The following MEGF6 variants were observed in gnomAD, a reference collection of about 807,000 sequenced individuals.
MEGF6 encodes the protein multiple EGF like domains 6, also known as multiple epidermal growth factor-like domains protein 6.
In MEGF6, 184 loss-of-function variants were observed where a neutral mutation model predicts 207.1. That is an observed-to-expected ratio of 0.89 (90% CI 0.79 to 1.00). The LOEUF (loss-of-function observed/expected upper bound fraction) is 1.00, where lower values mean the gene tolerates loss of function less well. Ranked by LOEUF, MEGF6 falls within the 50% of genes least tolerant of loss-of-function variation. The probability of loss-of-function intolerance (pLI) is 0.00; values close to 1 mark genes in which losing one functional copy is unlikely to be tolerated. For missense variants in MEGF6, 2,282 were observed against 2,202.9 expected (o/e 1.04, Z -0.72); for synonymous variants, 1,038 against 910.0 (o/e 1.14, Z -2.53).
At chr1:3,545,592 C>A (rs929559882) in intron 4 of MEGF6, among the ~76,000 whole-genome samples, 2 of 152,162 alleles carry the variant, frequency 1.3e-5, no homozygotes, top group African/African-American at 4.8e-5. Context: ...GGTTCTCCTC[C>A]CCTCATCCTG....
chr1:3,495,860 G>A (rs753411619), intron 30 of MEGF6, 30 bp downstream of exon 30: 6 of 1,593,948 alleles, frequency 3.8e-6, no homozygotes, highest in Non-Finnish European at 4.2e-6. Flanking sequence ...TGAAGGGCCT[G>A]TGAGCATGCC....
chr1:3,563,188 T>A (rs1249225009), intron 4 of MEGF6, among the ~76,000 whole-genome samples: 2 of 152,164 alleles, frequency 1.3e-5, no homozygotes, highest in East Asian at 3.9e-4. Flanking sequence ...ATGCACCTTG[T>A]AGGTAGCCTG....
chr1:3,527,433 G>A (rs2101290392), intron 4 of MEGF6, among the ~76,000 whole-genome samples: 1 of 152,356 alleles, frequency 6.6e-6, no homozygotes, highest in East Asian at 1.9e-4. Flanking sequence ...ATCTACTGGA[G>A]GCACAAGACA....
intron 4 of MEGF6, among the ~76,000 whole-genome samples, chr1:3,540,085 C>G (rs1331811621): frequency 2.0e-5 from 3 of 152,222 alleles, no homozygotes; most frequent in Non-Finnish European, 4.4e-5. Context: ...GGGTGTCCTC[C>G]AGGAAACTGC....
intron 2 of MEGF6, among the ~76,000 whole-genome samples, chr1:3,599,017 G>A (rs867990296): frequency 2.6e-5 from 4 of 152,200 alleles, no homozygotes; most frequent in Non-Finnish European, 4.4e-5. Flanking sequence ...ACTCTGGGCC[G>A]GGCCGGGCTG....
rs774330965 is a variant in MEGF6 at position 3,497,184 on chromosome 1, A to T, written c.3481+49T>A. 7 of 1,531,768 alleles carry T rather than the reference A, an allele frequency of 4.6e-6. No individual in the cohort carries two copies. The Admixed American group carries it at 1.4e-4, about 30-fold the overall frequency. The allele number at this position is 1,531,768 out of a possible 1,614,324, so 94.9% of individuals were successfully genotyped here. On this transcript the variant is annotated intron_variant, in intron 27 of 36. Transcript: ENST00000356575. The stretch of plus-strand genomic sequence containing the variant: ...GCCAAGGAACAGGCAGCCTCTCTGG[A>T]TTCCCCCTGCCCAGCCGCTCCTCGG...
chr1:3,621,897 G>A, the MEGF6 span, among the ~76,000 whole-genome samples: 1 of 152,326 alleles, frequency 6.6e-6, no homozygotes, highest in Non-Finnish European at 1.5e-5. Flanking sequence ...GGGGCTTTTA[G>A]CCCCTTTGTT....
chr1:3,517,104 CCT>C (rs1641570600), intron 5 of MEGF6, among the ~76,000 whole-genome samples: 1 of 152,230 alleles, frequency 6.6e-6, no homozygotes, highest in Non-Finnish European at 1.5e-5. Context: ...TCCCAGGGGC[CCT>C]GTTTATTGTG....
intron 26 of MEGF6, among the ~76,000 whole-genome samples, chr1:3,498,143 T>C (rs1640689188): frequency 6.6e-6 from 1 of 152,100 alleles, no homozygotes; most frequent in African/African-American, 2.4e-5. Context: ...TGGCTGGGGC[T>C]ACCCCTGCCA....
chr1:3,492,777 G>C lies in MEGF6; in HGVS notation c.4388-10C>G, dbSNP rs199708181. 1.0e-5 allele frequency: 16 copies of C among 1,603,396 alleles called. No homozygotes were observed. In the South Asian group the frequency reaches 1.8e-4, roughly 18 times the overall value. ...TGGCCCCTTCTGCAATCTGCAAGGC[G>C]GAGGGGGCGGGAGACAAACCTGAGC... On this transcript the variant is annotated splice_polypyrimidine_tract_variant and intron_variant, in intron 34 of 36. Coordinates refer to ENST00000356575, the MANE Select transcript of MEGF6 (RefSeq NM_001409.4).
chr1:3,510,764 G>A lies in MEGF6; in HGVS notation c.1234+19C>T. 6.3e-7 allele frequency: 1 copy of A among 1,587,824 alleles called. No homozygotes were observed. Among genetic ancestry groups the A allele is most frequent in the Non-Finnish European group, 8.6e-7 (1 of 1,162,042 alleles). ...GCTCCCAGGCCACCCCAGCTGTGCA[G>A]TGGCAGGGCAGTGCTCACCCTCACA... On this transcript the variant is annotated intron_variant, in intron 10 of 36. Transcript: ENST00000356575.
At chr1:3,515,321 C>T in intron 6 of MEGF6, 81 bp downstream of exon 6, 1 of 1,500,544 alleles carries the variant, frequency 6.7e-7, no homozygotes, top group Non-Finnish European at 9.0e-7. Context: ...CCTGAAGACC[C>T]ACTTCCACCC....
chr1:3,590,266 G>C (rs1284130023), intron 3 of MEGF6, among the ~76,000 whole-genome samples: 1 of 152,204 alleles, frequency 6.6e-6, no homozygotes, highest in African/African-American at 2.4e-5. Flanking sequence ...GCTTGGAGGA[G>C]GGGTGCCCAA....
chr1:3,598,266 G>T (rs1644100369), intron 2 of MEGF6, among the ~76,000 whole-genome samples: 1 of 152,216 alleles, frequency 6.6e-6, no homozygotes, highest in South Asian at 2.1e-4. Context: ...GAAGCCGGAG[G>T]TGGGCCCTGG....
chr1:3,540,628 T>A (rs1166360872), intron 4 of MEGF6, among the ~76,000 whole-genome samples: 1 of 152,232 alleles, frequency 6.6e-6, no homozygotes, highest in East Asian at 1.9e-4. Context: ...CCTGGATGTA[T>A]GTCTTACAGC....
chr1:3,498,489 G>T lies in MEGF6; in HGVS notation c.3234C>A (p.Pro1078=). The T allele has an allele frequency of 1.3e-6, 2 of 1,577,848 alleles. No individual in the cohort carries two copies. Among genetic ancestry groups the T allele is most frequent in the Non-Finnish European group, 1.7e-6 (2 of 1,163,710 alleles). ...GCCGGCAGCCAGCTCTGACGTCCCGGGGGAGGCACTCTACAGGAGCAGAGG... is the reference window on the plus strand; with the variant it reads ...GCCGGCAGCCAGCTCTGACGTCCCGTGGGAGGCACTCTACAGGAGCAGAGG... ...AGLACEKECL[P]RDVRAGCRHS... Residue 1078 remains proline, a synonymous_variant, in exon 26 of 37, where the codon CCC becomes CCA. Coordinates refer to ENST00000356575, the MANE Select transcript of MEGF6 (RefSeq NM_001409.4).
chr1:3,602,505 C>T lies in MEGF6; in HGVS notation c.227G>A (p.Gly76Asp). Reference protein sequence around the residue: ...LSHTVPVWKAGCGWQAWCVGH... With the variant: ...LSHTVPVWKADCGWQAWCVGH... The stretch of plus-strand genomic sequence containing the variant: ...CACGCACCACGCCTGCCACCCACAG[C>T]CGGCCTTCCACACCGGCACCGTGTG... The change falls in exon 2 of 37, where the codon GGC becomes GAC. Residue 76 changes from glycine (G) to aspartate (D), a missense_variant. Coordinates refer to ENST00000356575, the MANE Select transcript of MEGF6 (RefSeq NM_001409.4). 6.2e-7 allele frequency: 1 copy of T among 1,613,412 alleles called. No individual in the cohort carries two copies. The highest frequency in any genetic ancestry group is 8.5e-7 in the Non-Finnish European group (1 of 1,179,912).
intron 4 of MEGF6, among the ~76,000 whole-genome samples, chr1:3,549,063 G>A (rs748688614): frequency 1.3e-5 from 2 of 152,110 alleles, no homozygotes; most frequent in East Asian, 1.9e-4. Flanking sequence ...TGCGGGCGCC[G>A]CCTCCACCCC....
chr1:3,496,723 C>A lies in MEGF6; in HGVS notation c.3674G>T (p.Gly1225Val). The change falls in exon 29 of 37, where the codon GGC becomes GTC. Residue 1225 changes from glycine to valine, a missense_variant. Physicochemically the swap from Gly to Val is moderately radical, Grantham distance 109 (BLOSUM62 -3). Coordinates refer to ENST00000356575, the MANE Select transcript of MEGF6 (RefSeq NM_001409.4). Reference protein sequence around the residue: ...CEQLCGCLNGGSCDAATGACR... With the variant: ...CEQLCGCLNGVSCDAATGACR... The stretch of plus-strand genomic sequence containing the variant: ...GGCCCCCGTGGCCGCATCACAGGAG[C>A]CCCCGTTGAGACACCCACACAGCTG... The A allele has an allele frequency of 6.4e-7, 1 of 1,558,940 alleles. No homozygotes were observed. Among genetic ancestry groups the A allele is most frequent in the Non-Finnish European group, 8.7e-7 (1 of 1,152,056 alleles).
Sources: allele counts gnomAD v4.1 joint callset (sites outside exome capture counted in the v4.1 genomes callset), GRCh38; gene constraint gnomAD v4.1.1; transcripts MANE v1.5; gene names NCBI Gene and HGNC (gene_info 2026-07-23, HGNC 2026-07-21).